MYCT1: variants seen among roughly 807,000 people sequenced by gnomAD.
MYCT1 encodes myc target protein 1.
Under a neutral mutation model 15.0 loss-of-function variants are expected in MYCT1, and 12 were observed. The observed-to-expected ratio is 0.80, with a 90% CI of 0.51 to 1.29. The LOEUF (loss-of-function observed/expected upper bound fraction) is 1.29. Ranked by LOEUF, MYCT1 falls within the 50% of genes most tolerant of loss-of-function variation. MYCT1 has a pLI of 0.00. For missense variants in MYCT1, 287 were observed against 279.1 expected, an observed-to-expected ratio of 1.03 and a Z score of -0.20; for synonymous variants, 104 against 102.7, an observed-to-expected ratio of 1.01 and a Z score of -0.07.
At chr6:152,716,915 TCTC>T (rs1206413883) in intron 1 of MYCT1, among the ~76,000 whole-genome samples, 1 of 152,192 alleles carries the variant, frequency 6.6e-6, no homozygotes, top group Non-Finnish European at 1.5e-5. Context: ...TCATTTTTCT[TCTC>T]CTTAGATTGT....
the MYCT1 span, among the ~76,000 whole-genome samples, chr6:152,737,696 G>C: frequency 6.6e-6 from 1 of 152,086 alleles, no homozygotes; most frequent in Non-Finnish European, 1.5e-5. Context: ...GTGAATGAAA[G>C]AATAAACCCT....
At chr6:152,733,414 T>G in the MYCT1 span, among the ~76,000 whole-genome samples, 1 of 152,208 alleles carries the variant, frequency 6.6e-6, no homozygotes, top group Non-Finnish European at 1.5e-5. Flanking sequence ...TCCACGGTTT[T>G]CTTAAACATT....
At chr6:152,727,594 A>G (rs73012974), downstream of MYCT1, among the ~76,000 whole-genome samples, 109 of 152,346 alleles carry the variant, frequency 7.2e-4, 1 homozygote, top group Non-Finnish European at 1.3e-3. Flanking sequence ...TGTAAGTAAA[A>G]TAGAGAACGG....
intron 1 of MYCT1, among the ~76,000 whole-genome samples, chr6:152,707,775 T>C (rs965178068): frequency 6.6e-6 from 1 of 152,116 alleles, no homozygotes; most frequent in African/African-American, 2.4e-5. Context: ...TTGTGCATTT[T>C]TGATACTGTT....
intron 1 of MYCT1, among the ~76,000 whole-genome samples, chr6:152,703,975 ATTTTATT>A (rs1439133779): frequency 1.6e-4 from 23 of 139,794 alleles, no homozygotes; most frequent in African/African-American, 5.8e-4. Flanking sequence ...ATTTTATTTT[ATTTTATT>A]TTATTTTATT....
downstream of MYCT1, among the ~76,000 whole-genome samples, chr6:152,728,429 G>T (rs1398016015): frequency 6.6e-6 from 1 of 152,088 alleles, no homozygotes; most frequent in Non-Finnish European, 1.5e-5. Flanking sequence ...TTCACAAAAT[G>T]CATGACAAGG....
the MYCT1 span, among the ~76,000 whole-genome samples, chr6:152,735,608 C>G: frequency 2.0e-5 from 3 of 152,028 alleles, no homozygotes; most frequent in Non-Finnish European, 2.9e-5. Flanking sequence ...CTCATGCATT[C>G]TAAAGTTTAG....
chr6:152,726,834 C>A (rs2099725751), downstream of MYCT1, among the ~76,000 whole-genome samples: 1 of 152,134 alleles, frequency 6.6e-6, no homozygotes, highest in Admixed American at 6.5e-5. Flanking sequence ...TCACATGATA[C>A]TGGACAGCCA....
rs1396863481 is a variant in MYCT1 at position 152,709,017 on chromosome 6, A to C, written c.196+10919A>C. 1.2e-4 allele frequency among the ~76,000 whole-genome samples: 2 copies of C among 16,984 alleles called. 1 individual carries two copies. The highest frequency in any genetic ancestry group is 2.7e-4 in the Non-Finnish European group (2 of 7,290). 11.1% of individuals were successfully genotyped at this position (16,984 alleles called of 152,430 possible). On this transcript the variant is annotated intron_variant, in intron 1 of 1. Transcript: ENST00000367245. ...AATGCTATCCCTCCCCCCTCCCCCGACCCCACCACAGTCCCCAGAGTGTGA... is the reference window on the plus strand; with the variant it reads ...AATGCTATCCCTCCCCCCTCCCCCGCCCCCACCACAGTCCCCAGAGTGTGA...
chr6:152,729,979 A>C, the MYCT1 span, among the ~76,000 whole-genome samples: 1 of 152,246 alleles, frequency 6.6e-6, no homozygotes, highest in Non-Finnish European at 1.5e-5. Context: ...ATGGAAAGAA[A>C]GGAATTAAAC....
chr6:152,708,132 C>G (rs1431263679), intron 1 of MYCT1, among the ~76,000 whole-genome samples: 1 of 151,810 alleles, frequency 6.6e-6, no homozygotes, highest in Non-Finnish European at 1.5e-5. Context: ...TAGTATATCT[C>G]TCCACTTTTT....
rs199999351 is a variant in MYCT1, at chr6:152,721,849, C to G, written c.304C>G (p.Pro102Ala). The G allele has an allele frequency of 1.2e-6, 2 of 1,614,046 alleles. No individual in the cohort carries two copies. The highest frequency in any genetic ancestry group is 8.5e-7 in the Non-Finnish European group (1 of 1,179,994). Residue 102 changes from proline to alanine, a missense_variant, in exon 2 of 2, where the codon CCC (proline) becomes GCC (alanine). Pro to Ala is a conservative substitution (Grantham distance 27, BLOSUM62 -1). Coordinates refer to ENST00000367245, the MANE Select transcript of MYCT1 (RefSeq NM_025107.3). ...GTCTCGAAGAAGAAGAGCCAGTGCT[C>G]CCATCTCACAGTGGAGTTCAAGCAG... ...CLSRRRRASA[P>A]ISQWSSSRRS... is the part of the protein sequence containing the mutation.
chr6:152,702,096 A>G (rs989263968), intron 1 of MYCT1, among the ~76,000 whole-genome samples: 16 of 152,110 alleles, frequency 1.1e-4, no homozygotes, highest in Admixed American at 9.8e-4. Context: ...AGCTCATCAC[A>G]GGGAGGGCTG....
Position 152,698,867 on chromosome 6 carries a change from G to A in MYCT1, c.196+769G>A, listed in dbSNP as rs551504644. ...TAACAGTCCAGTGTTCCCTGATGTT[G>A]ACAATGGGACTGTGCTGAGGTCAAA... On this transcript the variant is annotated intron_variant, in intron 1 of 1. Transcript: ENST00000367245. Among the ~76,000 whole-genome samples the A allele has an allele frequency of 2.6e-5, 4 of 152,248 alleles. No individual in the cohort carries two copies. In the East Asian group the frequency reaches 7.7e-4, roughly 29 times the overall value.
intron 1 of MYCT1, among the ~76,000 whole-genome samples, chr6:152,712,838 GT>G (rs928877356): frequency 3.3e-5 from 5 of 151,786 alleles, no homozygotes; most frequent in East Asian, 1.9e-4. Flanking sequence ...CTGTGTTCAA[GT>G]TTTTTTTGTT....
chr6:152,721,784 TG>T lies in MYCT1; in HGVS notation c.241del (p.Val81TyrfsTer105). ...TTCACTGTATCCATGGCAATCGGGC[TG>T]GTACTTGGAGGATTTATTTGGGCTG... The part of the protein sequence containing the change: ...MSFTVSMAIG[L>X]VLGGFIWAVF... On this transcript the variant is annotated frameshift_variant, in exon 2 of 2. Transcript: ENST00000367245. LOFTEE classifies it high-confidence loss of function. 6.2e-7 allele frequency: 1 copy of T among 1,614,124 alleles called. No individual in the cohort carries two copies. Among genetic ancestry groups the T allele is most frequent in the Non-Finnish European group, 8.5e-7 (1 of 1,180,000 alleles).
chr6:152,721,822 C>G lies in MYCT1; in HGVS notation c.277C>G (p.Leu93Val). 2 of 1,614,024 alleles carry G rather than the reference C, an allele frequency of 1.2e-6. No homozygotes were observed. The highest frequency in any genetic ancestry group is 1.7e-6 in the Non-Finnish European group (2 of 1,179,996). The change falls in exon 2 of 2, where the codon CTG becomes GTG. Residue 93 changes from leucine to valine, a missense_variant. Leu to Val is a conservative substitution (Grantham distance 32). Coordinates refer to ENST00000367245, the MANE Select transcript of MYCT1 (RefSeq NM_025107.3). ...GGFIWAVFICLSRRRRASAPI... is the reference protein window; with the variant it reads ...GGFIWAVFICVSRRRRASAPI... ...ATTTATTTGGGCTGTGTTCATTTGT[C>G]TGTCTCGAAGAAGAAGAGCCAGTGC...
At chr6:152,732,085 A>G in the MYCT1 span, among the ~76,000 whole-genome samples, 2 of 152,220 alleles carry the variant, frequency 1.3e-5, no homozygotes, top group Non-Finnish European at 2.9e-5. Context: ...ACCCAAATTA[A>G]TTTATAATTC....
At chr6:152,700,416 T>C (rs1359991178) in intron 1 of MYCT1, among the ~76,000 whole-genome samples, 1 of 152,126 alleles carries the variant, frequency 6.6e-6, no homozygotes, top group Non-Finnish European at 1.5e-5. Context: ...GAAAAAGTTG[T>C]TTTCCCAATA....
Sources: gnomAD v4.1 joint callset for allele counts (sites outside exome capture counted in the v4.1 genomes callset) on GRCh38, gnomAD v4.1.1 for gene constraint, MANE v1.5 for transcripts, NCBI Gene and HGNC (gene_info 2026-07-23, HGNC 2026-07-21) for gene names.